The following ATG13 variants were observed in gnomAD, a reference collection of about 807,000 sequenced individuals.
The protein encoded by ATG13 is autophagy related 13.
ATG13 carries 23 observed loss-of-function variants against 65.5 expected under a neutral mutation model. The ratio of observed to expected loss-of-function variants is 0.35; its 90% CI spans 0.25 to 0.50. The LOEUF is 0.50. Among genes scored for constraint, ATG13 ranks in the 20% least tolerant of loss-of-function variants. The pLI is 0.98. For missense variants in ATG13, 566 were observed against 677.0 expected, an observed-to-expected ratio of 0.84 and a Z score of 1.82; for synonymous variants, 252 against 245.2, an observed-to-expected ratio of 1.03 and a Z score of -0.26.
chr11:46,672,042 G>A (rs529589856), intron 18 of ATG13, among the ~76,000 whole-genome samples: 1 of 152,306 alleles, frequency 6.6e-6, no homozygotes, highest in Admixed American at 6.5e-5. Context: ...GACTCCCAAG[G>A]CCGTTCCATT....
At chr11:46,641,859 T>C (rs1179526633) in intron 2 of ATG13, among the ~76,000 whole-genome samples, 3 of 151,822 alleles carry the variant, frequency 2.0e-5, no homozygotes, top group African/African-American at 7.3e-5. Flanking sequence ...ACTGCAGCCT[T>C]GACCTCCAGG....
At chr11:46,640,724 A>AT (rs2055685980) in intron 2 of ATG13, among the ~76,000 whole-genome samples, 1 of 152,244 alleles carries the variant, frequency 6.6e-6, no homozygotes, top group Non-Finnish European at 1.5e-5. Context: ...AAAGGTGCTA[A>AT]TAGGGGAAAT....
rs974535347 is a variant in ATG13, at chr11:46,643,099, A to T, written c.-13-1180A>T. ...TAGTTCTGGTTGGTCAGCATAGCCG[A>T]GTTCTGATTGGTTGATACAGCTGAC... On this transcript the variant is annotated intron_variant, in intron 2 of 18. Transcript: ENST00000683050. 2.0e-5 allele frequency among the ~76,000 whole-genome samples: 3 copies of T among 152,108 alleles called. No homozygotes were observed. In the East Asian group the frequency reaches 5.8e-4, roughly 29 times the overall value.
rs184299892 is a variant in ATG13 at position 46,631,574 on chromosome 11, T to G, written c.-14+1474T>G. ...TTTTTCAGTAATTGTTCAAAAACAT[T>G]TAGTCTGGTCTGGGTGCCATGGCTC... is the stretch of plus-strand genomic sequence containing the variant. On this transcript the variant is annotated intron_variant, in intron 2 of 18. Coordinates refer to ENST00000683050, the MANE Select transcript of ATG13 (RefSeq NM_001346311.2). 3.9e-5 allele frequency among the ~76,000 whole-genome samples: 6 copies of G among 152,274 alleles called. No homozygotes were observed. The East Asian group carries it at 1.2e-3, about 29-fold the overall frequency.
intron 1 of ATG13, among the ~76,000 whole-genome samples, chr11:46,618,620 A>G (rs2046168799): frequency 6.6e-6 from 1 of 152,184 alleles, no homozygotes. Flanking sequence ...TTAGTGGGAG[A>G]TGTATTATAA....
chr11:46,670,905 G>A (rs776727193), intron 18 of ATG13, among the ~76,000 whole-genome samples: 2 of 152,136 alleles, frequency 1.3e-5, no homozygotes, highest in African/African-American at 2.4e-5. Context: ...GCCCTAAGAG[G>A]TAAGTTTTCT....
At chr11:46,619,563 T>C (rs1345222686) in intron 1 of ATG13, among the ~76,000 whole-genome samples, 2 of 151,750 alleles carry the variant, frequency 1.3e-5, no homozygotes, top group Non-Finnish European at 1.5e-5. Context: ...TTTGTATTTT[T>C]AGTAAAGATG....
chr11:46,659,472 C>G lies in ATG13; in HGVS notation c.776C>G (p.Ser259Cys). The G allele has an allele frequency of 6.2e-7, 1 of 1,613,452 alleles. No homozygotes were observed. The highest frequency in any genetic ancestry group is 1.1e-5 in the South Asian group (1 of 91,064). Residue 259 changes from serine to cysteine, a missense_variant, in exon 11 of 19, where the codon TCC (serine) becomes TGC (cysteine). Transcript: ENST00000683050. ...QEVCTTSFST[S>C]PPSQCVFTVT... is the part of the protein sequence containing the mutation. ...GTGTGTACCACCTCTTTTTCCACCT[C>G]CCCACCATCCCAGGTAGGGGGAAGC...
At chr11:46,629,847 C>T (rs1342670463) in intron 1 of ATG13, 198 bp from the exon 2 acceptor site, 4 of 152,158 alleles carry the variant, frequency 2.6e-5, no homozygotes, top group African/African-American at 7.2e-5. Flanking sequence ...AGAGTGACTA[C>T]ATATATCTGT....
At chr11:46,647,790 C>G (rs1035754823) in intron 5 of ATG13, among the ~76,000 whole-genome samples, 17 of 152,062 alleles carry the variant, frequency 1.1e-4, no homozygotes, top group Middle Eastern at 3.4e-3. Flanking sequence ...CTGTACTGCC[C>G]AGGCTGGAGT....
In ATG13 at chr11:46,672,805, A is replaced by G; in HGVS notation, c.*473A>G. ...GAGACAGTGCCAGGAGGAAGAAGGA[A>G]GGAGTCCCTTAGCTCTCTTCATTGT... On this transcript the variant is annotated 3_prime_UTR_variant, in exon 19 of 19. Coordinates refer to ENST00000683050, the MANE Select transcript of ATG13 (RefSeq NM_001346311.2). 1 of 1,322,258 alleles carries G rather than the reference A, an allele frequency of 7.6e-7. No homozygotes were observed. Among genetic ancestry groups the G allele is most frequent in the Non-Finnish European group, 9.9e-7 (1 of 1,006,988 alleles). The allele number at this position is 1,322,258 out of a possible 1,614,324, so 81.9% of individuals were successfully genotyped here.
Position 46,672,755 on chromosome 11 carries a change from G to A in ATG13, c.*423G>A. 1 of 1,202,560 alleles carries A rather than the reference G, an allele frequency of 8.3e-7. No homozygotes were observed. The highest frequency in any genetic ancestry group is 1.0e-6 in the Non-Finnish European group (1 of 956,292). 74.5% of individuals were successfully genotyped at this position (1,202,560 alleles called of 1,614,324 possible). ...CATTCCAGCTGGTGGCCAAGAGATT[G>A]GTGTGGAGTCGCAGAAAGAGGAAGG... On this transcript the variant is annotated 3_prime_UTR_variant, in exon 19 of 19. Coordinates refer to ENST00000683050, the MANE Select transcript of ATG13 (RefSeq NM_001346311.2).
At chr11:46,654,525 A>G (rs2136607233) in intron 7 of ATG13, among the ~76,000 whole-genome samples, 1 of 150,946 alleles carries the variant, frequency 6.6e-6, no homozygotes, top group African/African-American at 2.4e-5. Context: ...GTTCGATACC[A>G]GCCTGGGCAA....
chr11:46,632,177 TTATAGAG>T (rs2052036752), intron 2 of ATG13: 1 of 152,180 alleles, frequency 6.6e-6, no homozygotes, highest in African/African-American at 2.4e-5. Context: ...TGTGGGAACA[TTATAGAG>T]TATAATTTTT....
At chr11:46,668,437 G>C in intron 15 of ATG13, 62 bp from the exon 16 acceptor site, 1 of 1,540,700 alleles carries the variant, frequency 6.5e-7, no homozygotes, top group Non-Finnish European at 9.0e-7. Flanking sequence ...TGGCAACCAG[G>C]AAGGAAGCAT....
intron 1 of ATG13, among the ~76,000 whole-genome samples, chr11:46,628,937 T>TC: frequency 8.0e-6 from 1 of 124,314 alleles, no homozygotes. Flanking sequence ...TGATCTGTTT[T>TC]CTTTTTTTTT....
intron 12 of ATG13, 35 bp from the exon 13 acceptor site, chr11:46,664,814 T>A (rs777090873): frequency 6.3e-7 from 1 of 1,586,340 alleles, no homozygotes; most frequent in Non-Finnish European, 8.7e-7. Context: ...TTTCCTTGCC[T>A]TTCCTTTTCT....
intron 11 of ATG13, among the ~76,000 whole-genome samples, chr11:46,663,578 T>C (rs533342700): frequency 7.2e-5 from 11 of 152,294 alleles, no homozygotes; most frequent in Non-Finnish European, 5.9e-5. Context: ...AGTTGAACAT[T>C]ACAAGCCCCG....
intron 5 of ATG13, among the ~76,000 whole-genome samples, chr11:46,648,123 T>TC (rs2058104689): frequency 6.6e-6 from 1 of 151,824 alleles, no homozygotes; most frequent in Non-Finnish European, 1.5e-5. Context: ...CACTTTTTTT[T>TC]CCTGCTCTGT....
Sources: allele counts gnomAD v4.1 joint callset (sites outside exome capture counted in the v4.1 genomes callset), GRCh38; gene constraint gnomAD v4.1.1; transcripts MANE v1.5; gene names NCBI Gene and HGNC (gene_info 2026-07-23, HGNC 2026-07-21).